Variants in PCDH9 observed in about 807,000 individuals in gnomAD.
The protein encoded by PCDH9 is protocadherin-9.
Under a neutral mutation model 70.6 loss-of-function variants are expected in PCDH9, and 24 were observed. The ratio of observed to expected loss-of-function variants is 0.34; its 90% CI spans 0.25 to 0.48. The LOEUF is 0.48. Among genes scored for constraint, PCDH9 ranks in the 20% least tolerant of loss-of-function variants. The probability of loss-of-function intolerance (pLI) is 0.99; values close to 1 mark genes in which losing one functional copy is unlikely to be tolerated. For synonymous variants in PCDH9, 562 were observed against 558.5 expected, an observed-to-expected ratio of 1.01 and a Z score of -0.09; for missense variants, 1,281 against 1,503.6, an observed-to-expected ratio of 0.85 and a Z score of 2.45.
At chr13:66,805,935 ACC>A (rs2080402825) in intron 3 of PCDH9, among the ~76,000 whole-genome samples, 2 of 151,736 alleles carry the variant, frequency 1.3e-5, no homozygotes, top group African/African-American at 4.9e-5. Flanking sequence ...TACTCAGTAA[ACC>A]ATCAATCAAC....
chr13:67,128,985 C>T (rs1197061219), intron 2 of PCDH9, among the ~76,000 whole-genome samples: 7 of 152,152 alleles, frequency 4.6e-5, no homozygotes, highest in African/African-American at 1.4e-4. Context: ...GACATATTCT[C>T]CTGCCTGGTG....
At chr13:66,879,120 G>A (rs1236643769) in intron 3 of PCDH9, among the ~76,000 whole-genome samples, 1 of 152,102 alleles carries the variant, frequency 6.6e-6, no homozygotes, top group Non-Finnish European at 1.5e-5. Flanking sequence ...TAGTAGATTT[G>A]CTGTCAGCTC....
chr13:66,391,279 G>A (rs9540734), intron 4 of PCDH9, among the ~76,000 whole-genome samples: 64,337 of 152,046 alleles, frequency 0.42, 15,673 homozygotes, highest in East Asian at 0.62. Context: ...TTCTGCATAT[G>A]TACTGCCTAC....
intron 2 of PCDH9, among the ~76,000 whole-genome samples, chr13:66,953,328 C>G (rs894988994): frequency 1.3e-5 from 2 of 152,190 alleles, no homozygotes; most frequent in African/African-American, 4.8e-5. Context: ...AGTCAGTTAT[C>G]TAGCTGGATT....
intron 4 of PCDH9, among the ~76,000 whole-genome samples, chr13:66,506,980 T>C (rs1959225901): frequency 6.6e-6 from 1 of 152,230 alleles, no homozygotes; most frequent in Admixed American, 6.5e-5. Flanking sequence ...TCTTAGGCAT[T>C]GCCTATAGCT....
intron 2 of PCDH9, among the ~76,000 whole-genome samples, chr13:67,013,490 C>T (rs1214956145): frequency 2.0e-5 from 3 of 151,934 alleles, no homozygotes; most frequent in Non-Finnish European, 4.4e-5. Flanking sequence ...AATTTTTTAT[C>T]CATATCTCTG....
intron 4 of PCDH9, among the ~76,000 whole-genome samples, chr13:66,562,086 T>G (rs191845084): frequency 1.3e-5 from 2 of 152,028 alleles, no homozygotes; most frequent in Admixed American, 1.3e-4. Context: ...AACGCCACCT[T>G]AAGAGCTGTA....
intron 4 of PCDH9, among the ~76,000 whole-genome samples, chr13:66,307,875 TTGAG>T: frequency 6.6e-6 from 1 of 152,222 alleles, no homozygotes; most frequent in Middle Eastern, 3.4e-3. Context: ...GTTTTCAGCA[TTGAG>T]TGACACATTT....
At chr13:66,996,341 A>G (rs1230945075) in intron 2 of PCDH9, 3 of 152,162 alleles carry the variant, frequency 2.0e-5, no homozygotes, top group African/African-American at 7.2e-5. Flanking sequence ...GACATGTTAG[A>G]ACATTAGTGT....
chr13:66,418,955 A>G (rs1957512146), intron 4 of PCDH9, among the ~76,000 whole-genome samples: 1 of 152,184 alleles, frequency 6.6e-6, no homozygotes, highest in South Asian at 2.1e-4. Flanking sequence ...AGAATACTAC[A>G]AATACCTCTG....
chr13:66,330,481 C>A (rs1314285223), intron 4 of PCDH9, among the ~76,000 whole-genome samples: 1 of 152,176 alleles, frequency 6.6e-6, no homozygotes, highest in Admixed American at 6.5e-5. Context: ...CTGCCAACAC[C>A]TACTGTGCTT....
chr13:66,644,239 AC>A (rs758826175), intron 3 of PCDH9, among the ~76,000 whole-genome samples: 22 of 152,094 alleles, frequency 1.4e-4, no homozygotes, highest in East Asian at 3.9e-4. Flanking sequence ...GTATAAAAAA[AC>A]ATGATAAGTT....
chr13:66,583,795 C>T (rs905148663), intron 4 of PCDH9, among the ~76,000 whole-genome samples: 19 of 152,056 alleles, frequency 1.2e-4, no homozygotes, highest in Admixed American at 7.2e-4. Flanking sequence ...TTTGTTTCTT[C>T]ATTTTATGGA....
intron 4 of PCDH9, among the ~76,000 whole-genome samples, chr13:66,514,153 T>A (rs77732554): frequency 0.12 from 17,705 of 152,062 alleles, 1,237 homozygotes; most frequent in Middle Eastern, 0.22. Flanking sequence ...GTTAAATATG[T>A]CTGAGTGAAA....
Position 66,371,851 on chromosome 13 carries a change from G to A in PCDH9, c.3341-66823C>T, listed in dbSNP as rs12584811. Among the ~76,000 whole-genome samples the A allele has an allele frequency of 5.7e-3, 874 of 152,034 alleles. 9 individuals carry two copies. Among genetic ancestry groups the A allele is most frequent in the African/African-American group, 0.02 (822 of 41,510 alleles). On this transcript the variant is annotated intron_variant, in intron 4 of 4. Coordinates refer to ENST00000377865, the MANE Select transcript of PCDH9 (RefSeq NM_203487.3). ...TTTGTTGCAGAAGTCAAACTTTTTGGTTTGTTTGTTTCCCTCATGATCTCT... is the reference window on the plus strand; with the variant it reads ...TTTGTTGCAGAAGTCAAACTTTTTGATTTGTTTGTTTCCCTCATGATCTCT...
intron 4 of PCDH9, among the ~76,000 whole-genome samples, chr13:66,470,434 G>A (rs1161826384): frequency 3.3e-5 from 5 of 152,160 alleles, no homozygotes; most frequent in East Asian, 1.9e-4. Flanking sequence ...CCCTAAGTAC[G>A]TTAGTACCAG....
chr13:67,097,317 A>G (rs2086341242), intron 2 of PCDH9, among the ~76,000 whole-genome samples: 1 of 152,122 alleles, frequency 6.6e-6, no homozygotes, highest in Non-Finnish European at 1.5e-5. Context: ...AGTTTAACTA[A>G]AAGCTATCCT....
At chr13:66,633,404 T>A (rs552218430) in intron 3 of PCDH9, among the ~76,000 whole-genome samples, 1 of 152,316 alleles carries the variant, frequency 6.6e-6, no homozygotes, top group South Asian at 2.1e-4. Context: ...ACCATGTTTA[T>A]TTATTGTAGT....
At chr13:67,061,895 G>GGACTGAAATAAGGACT (rs1456226200) in intron 2 of PCDH9, among the ~76,000 whole-genome samples, 4 of 152,068 alleles carry the variant, frequency 2.6e-5, no homozygotes, top group Non-Finnish European at 5.9e-5. Flanking sequence ...ACTGAAATAA[G>GGACTGAAATAAGGACT]GAAATCAATT....
Sources: gnomAD v4.1 joint callset for allele counts (sites outside exome capture counted in the v4.1 genomes callset) on GRCh38, gnomAD v4.1.1 for gene constraint, MANE v1.5 for transcripts, NCBI Gene and HGNC (gene_info 2026-07-23, HGNC 2026-07-21) for gene names.